FMN1: variants seen among roughly 807,000 people sequenced by gnomAD.
The protein encoded by FMN1 is formin-1.
A neutral mutation model predicts 132.4 loss-of-function variants in FMN1; 110 were observed. The ratio of observed to expected loss-of-function variants is 0.83; its 90% CI spans 0.71 to 0.97. The LOEUF is 0.97. Ranked by LOEUF, FMN1 falls within the 50% of genes least tolerant of loss-of-function variation. FMN1 has a pLI of 0.00. For missense variants in FMN1, 1,792 were observed against 1,705.3 expected (o/e 1.05, Z -0.90); for synonymous variants, 722 against 651.7 (o/e 1.11, Z -1.64).
At chr15:32,937,734 T>C (rs539580153) in intron 9 of FMN1, among the ~76,000 whole-genome samples, 1 of 152,208 alleles carries the variant, frequency 6.6e-6, no homozygotes, top group Non-Finnish European at 1.5e-5. Context: ...CAGGCTTCGC[T>C]GAAAGGGGGC....
chr15:32,790,904 A>G (rs1486356723), intron 19 of FMN1, among the ~76,000 whole-genome samples: 5 of 152,242 alleles, frequency 3.3e-5, no homozygotes, highest in Admixed American at 1.3e-4. Flanking sequence ...ATTAAATACT[A>G]AAGGATCGTA....
chr15:32,939,302 C>T (rs1366158025), intron 9 of FMN1, among the ~76,000 whole-genome samples: 1 of 152,102 alleles, frequency 6.6e-6, no homozygotes, highest in African/African-American at 2.4e-5. Context: ...ATCTTACAAC[C>T]TCCTTACCCA....
intron 2 of FMN1, among the ~76,000 whole-genome samples, chr15:33,187,752 G>C (rs1043121194): frequency 2.0e-5 from 3 of 152,156 alleles, no homozygotes; most frequent in Non-Finnish European, 2.9e-5. Flanking sequence ...CACAACTCTG[G>C]GGGGTGGTAT....
At chr15:33,032,148 T>C (rs1395632102) in intron 6 of FMN1, among the ~76,000 whole-genome samples, 1 of 152,218 alleles carries the variant, frequency 6.6e-6, no homozygotes, top group African/African-American at 2.4e-5. Flanking sequence ...TTAACCATAG[T>C]ATTCCACTTG....
chr15:32,829,300 C>T lies in FMN1; in HGVS notation c.3929-24968G>A, dbSNP rs539612834. Among the ~76,000 whole-genome samples the T allele has an allele frequency of 7.2e-5, 11 of 152,310 alleles. No individual in the cohort carries two copies. The South Asian group carries it at 1.9e-3, about 26-fold the overall frequency. Reference sequence around the variant, plus strand: ...TTATTCCTACTAAGTTAAAAACATGCGCTCCGGCGAAAGTTCTGTCAACCT... The same window carrying T: ...TTATTCCTACTAAGTTAAAAACATGTGCTCCGGCGAAAGTTCTGTCAACCT... On this transcript the variant is annotated intron_variant, in intron 17 of 20. Transcript: ENST00000616417.
intron 10 of FMN1, among the ~76,000 whole-genome samples, chr15:32,911,175 G>A (rs563542925): frequency 6.6e-5 from 10 of 152,120 alleles, no homozygotes; most frequent in Admixed American, 1.3e-4. Context: ...TAATTTAGCC[G>A]TTAACTAATA....
chr15:33,116,152 G>C (rs899205990), intron 4 of FMN1, among the ~76,000 whole-genome samples: 1 of 152,184 alleles, frequency 6.6e-6, no homozygotes, highest in African/African-American at 2.4e-5. Context: ...AGCCTTATTA[G>C]TAGTTACTTA....
At chr15:33,117,446 G>A (rs2039971888) in intron 4 of FMN1, among the ~76,000 whole-genome samples, 1 of 152,128 alleles carries the variant, frequency 6.6e-6, no homozygotes, top group African/African-American at 2.4e-5. Flanking sequence ...TCATTTCTCG[G>A]CGTTTTCTTA....
chr15:32,963,907 A>ATTCCT (rs2030883490), intron 9 of FMN1, among the ~76,000 whole-genome samples, 200 bp downstream of exon 9: 1 of 151,068 alleles, frequency 6.6e-6, no homozygotes, highest in Non-Finnish European at 1.5e-5. Context: ...AACAGCATGT[A>ATTCCT]ATGAATTCCT....
intron 9 of FMN1, among the ~76,000 whole-genome samples, chr15:32,950,044 TATATATACAC>T (rs1466809590): frequency 2.1e-4 from 2 of 9,380 alleles, no homozygotes; most frequent in East Asian, 3.6e-3. Flanking sequence ...CACATATATA[TATATATACAC>T]ATATATATAT....
intron 16 of FMN1, among the ~76,000 whole-genome samples, chr15:32,873,010 C>A (rs2059552702): frequency 6.6e-6 from 1 of 152,140 alleles, no homozygotes; most frequent in South Asian, 2.1e-4. Context: ...GGTATCTAGT[C>A]TTGGCTCCAG....
At chr15:32,849,300 T>A (rs1283984595) in intron 17 of FMN1, among the ~76,000 whole-genome samples, 1 of 151,948 alleles carries the variant, frequency 6.6e-6, no homozygotes, top group Non-Finnish European at 1.5e-5. Flanking sequence ...CAGTCTTAGG[T>A]TAATTCTTAT....
chr15:32,978,179 G>C (rs2032365873), intron 7 of FMN1, among the ~76,000 whole-genome samples: 1 of 152,068 alleles, frequency 6.6e-6, no homozygotes, highest in African/African-American at 2.4e-5. Flanking sequence ...AAAGGTGATA[G>C]TTAATTACAA....
At chr15:32,807,607 G>A (rs1274850652) in intron 17 of FMN1, among the ~76,000 whole-genome samples, 3 of 152,212 alleles carry the variant, frequency 2.0e-5, no homozygotes, top group Admixed American at 6.5e-5. Context: ...GCTAAGCAGA[G>A]TGTGGCCAAG....
intron 4 of FMN1, among the ~76,000 whole-genome samples, chr15:33,131,283 C>T (rs916634084): frequency 1.7e-4 from 24 of 143,556 alleles, no homozygotes; most frequent in Admixed American, 1.4e-3. Context: ...GAGCTGAGAT[C>T]GCTCCACTGC....
At chr15:32,973,592 C>A (rs1039257464) in intron 7 of FMN1, among the ~76,000 whole-genome samples, 1 of 146,462 alleles carries the variant, frequency 6.8e-6, no homozygotes, top group Non-Finnish European at 1.5e-5. Context: ...CCCAAAAAAA[C>A]ACTTGTCTTT....
At chr15:32,959,479 G>T (rs899706029) in intron 9 of FMN1, among the ~76,000 whole-genome samples, 4 of 152,140 alleles carry the variant, frequency 2.6e-5, no homozygotes, top group African/African-American at 9.7e-5. Flanking sequence ...CTCTAAGGTA[G>T]GACACAAAGC....
At position 32,769,021 on chromosome 15, in the gene FMN1, G is replaced by A. The variant is rs985914371; in HGVS notation, c.*5289C>T. The A allele has an allele frequency of 6.6e-6, 1 of 152,196 alleles. No individual in the cohort carries two copies. The highest frequency in any genetic ancestry group is 2.4e-5 in the African/African-American group (1 of 41,444). 9.4% of individuals were successfully genotyped at this position (152,196 alleles called of 1,614,324 possible). ...GCCCTGGTTATCACCATAGTTAGGAGAAGGGCTGGGGATAGAGGAGGAAAT... is the reference window on the plus strand; with the variant it reads ...GCCCTGGTTATCACCATAGTTAGGAAAAGGGCTGGGGATAGAGGAGGAAAT... On this transcript the variant is annotated 3_prime_UTR_variant, in exon 21 of 21. Coordinates refer to ENST00000616417, the MANE Select transcript of FMN1 (RefSeq NM_001277313.2).
intron 9 of FMN1, among the ~76,000 whole-genome samples, chr15:32,947,618 T>C (rs2061537141): frequency 1.3e-5 from 2 of 152,072 alleles, no homozygotes; most frequent in Admixed American, 1.3e-4. Context: ...AACATCTTTA[T>C]AATATTGGCT....
Sources: gnomAD v4.1 joint callset for allele counts (sites outside exome capture counted in the v4.1 genomes callset) on GRCh38, gnomAD v4.1.1 for gene constraint, MANE v1.5 for transcripts, NCBI Gene and HGNC (gene_info 2026-07-23, HGNC 2026-07-21) for gene names.